The following REXO4 variants were observed in gnomAD, a reference collection of about 807,000 sequenced individuals.
REXO4 encodes REX4 homolog, 3'-5' exonuclease.
In REXO4, 29 loss-of-function variants were observed where a neutral mutation model predicts 39.9. That is an observed-to-expected ratio of 0.73 (90% CI 0.54 to 0.99). The LOEUF is 0.99. Ranked by LOEUF, REXO4 falls within the 50% of genes least tolerant of loss-of-function variation. REXO4 has a pLI of 0.00. For missense variants in REXO4, 524 were observed against 546.5 expected (o/e 0.96, Z 0.41); for synonymous variants, 184 against 206.2 (o/e 0.89, Z 0.92).
chr9:133,412,687 C>T (rs1490546976), intron 3 of REXO4, 91 bp downstream of exon 3: 20 of 1,543,262 alleles, frequency 1.3e-5, no homozygotes, highest in Non-Finnish European at 1.7e-5. Flanking sequence ...TCATTCACCT[C>T]AGGGAGAGGA....
chr9:133,407,152 C>T, intron 7 of REXO4, 80 bp from the exon 8 acceptor site: 2 of 1,591,294 alleles, frequency 1.3e-6, no homozygotes, highest in South Asian at 1.1e-5. Context: ...TGAGCCCTCC[C>T]ACTAGCCACT....
rs782214486 is a variant in REXO4, at chr9:133,407,819, C to T, written c.1137G>A (p.Ala379=). The part of the protein sequence containing the change: ...EKILGLQVQQ[A]EHCSIQDAQA... ...AGGACACACTTACTGAACAGTGCTC[C>T]GCCTGCTGGACCTGGAGCCCAAGGA... is the stretch of plus-strand genomic sequence containing the variant. Residue 379 remains alanine (A), a synonymous_variant, in exon 7 of 8, where the codon GCG becomes GCA. Coordinates refer to ENST00000371942, the MANE Select transcript of REXO4 (RefSeq NM_020385.4). The T allele has an allele frequency of 1.9e-5, 30 of 1,613,734 alleles. No homozygotes were observed. The highest frequency in any genetic ancestry group is 6.7e-5 in the African/African-American group (5 of 74,910).
intron 4 of REXO4, 74 bp downstream of exon 4, chr9:133,412,225 A>C (rs997912558): frequency 2.7e-6 from 4 of 1,478,062 alleles, no homozygotes; most frequent in Non-Finnish European, 3.7e-6. Flanking sequence ...CTCAGACAGA[A>C]AAGGGAACAA....
chr9:133,408,988 C>A, intron 5 of REXO4, 146 bp from the exon 6 acceptor site: 2 of 331,976 alleles, frequency 6.0e-6, no homozygotes, highest in Admixed American at 5.8e-5. Flanking sequence ...GTGTGTGTGA[C>A]GGAGTCTTGC....
intron 4 of REXO4, among the ~76,000 whole-genome samples, chr9:133,412,081 G>A (rs1446812805): frequency 6.6e-6 from 1 of 152,016 alleles, no homozygotes; most frequent in South Asian, 2.1e-4. Context: ...GCCTGGTCTT[G>A]AAGTCAGCGG....
intron 4 of REXO4, among the ~76,000 whole-genome samples, chr9:133,412,003 G>A (rs1554780201): frequency 6.6e-6 from 1 of 152,064 alleles, no homozygotes. Context: ...CTGGGTTCAA[G>A]CAATCCTCCC....
Position 133,414,987 on chromosome 9 carries a change from C to T in REXO4, c.250G>A (p.Ala84Thr). Residue 84 changes from alanine (A) to threonine (T), a missense_variant, in exon 2 of 8, where the codon GCC (alanine) becomes ACC (threonine). Coordinates refer to ENST00000371942, the MANE Select transcript of REXO4 (RefSeq NM_020385.4). ...GAGATGACAAGAGGCTTTTCTGGGG[C>T]CTGAGATTTTTGTTTCAGCAGCCAC... ...QEWLLKQKSQ[A>T]PEKPLVISQM... 6.3e-7 allele frequency: 1 copy of T among 1,583,266 alleles called. No homozygotes were observed. Among genetic ancestry groups the T allele is most frequent in the Non-Finnish European group, 8.5e-7 (1 of 1,170,704 alleles).
upstream of REXO4, chr9:133,418,061 G>T: frequency 1.8e-6 from 1 of 559,366 alleles, no homozygotes; most frequent in Non-Finnish European, 3.1e-6. Context: ...CTCCACAACC[G>T]GCTGGAAACC....
chr9:133,407,113 C>T (rs1554779049), intron 7 of REXO4, 41 bp from the exon 8 acceptor site: 2 of 1,608,418 alleles, frequency 1.2e-6, no homozygotes, highest in Non-Finnish European at 1.7e-6. Context: ...CGAGGCATAG[C>T]CGCAGCCCAC....
At position 133,406,679 on chromosome 9, in the gene REXO4, T is replaced by G; in HGVS notation, c.*274A>C. On this transcript the variant is annotated 3_prime_UTR_variant, in exon 8 of 8. Transcript: ENST00000371942. ...CCCCAACCTCACCTGGCCCAGGGGGTCAGCAGTCGGTAAAGCGTGGCCAGG... is the reference window on the plus strand; with the variant it reads ...CCCCAACCTCACCTGGCCCAGGGGGGCAGCAGTCGGTAAAGCGTGGCCAGG... 1.9e-5 allele frequency: 9 copies of G among 462,966 alleles called. No homozygotes were observed. Among genetic ancestry groups the G allele is most frequent in the South Asian group, 2.4e-5 (1 of 40,822 alleles). The allele number at this position is 462,966 out of a possible 1,614,324, so 28.7% of individuals were successfully genotyped here.
chr9:133,412,601 C>T (rs1222397388), intron 3 of REXO4, 109 bp from the exon 4 acceptor site: 20 of 1,428,850 alleles, frequency 1.4e-5, no homozygotes, highest in Non-Finnish European at 1.4e-5. Context: ...AAGCTCTCTG[C>T]CCCTCACTCA....
intron 7 of REXO4, 120 bp from the exon 8 acceptor site, chr9:133,407,192 A>C: frequency 6.7e-7 from 1 of 1,493,178 alleles, no homozygotes; most frequent in Admixed American, 1.8e-5. Flanking sequence ...TGAGACATGG[A>C]CCTGGCCACG....
intron 5 of REXO4, among the ~76,000 whole-genome samples, chr9:133,410,267 G>A (rs1458401550): frequency 6.6e-6 from 1 of 152,182 alleles, no homozygotes; most frequent in Non-Finnish European, 1.5e-5. Flanking sequence ...CCTCCCCGCT[G>A]TTCCCACTGT....
intron 1 of REXO4, among the ~76,000 whole-genome samples, chr9:133,416,797 C>T (rs3118664): frequency 6.6e-6 from 1 of 151,784 alleles, no homozygotes; most frequent in Non-Finnish European, 1.5e-5. Flanking sequence ...TGTACAATAG[C>T]GATGATGGAA....
intron 5 of REXO4, 92 bp from the exon 6 acceptor site, chr9:133,408,934 T>G (rs1001304283): frequency 0.14 from 45,893 of 320,834 alleles, 7,418 homozygotes; most frequent in South Asian, 0.22. Flanking sequence ...AGTAACATCT[T>G]TGTGTGTGTG....
Position 133,412,854 on chromosome 9 carries a change from T to C in REXO4, c.640A>G (p.Lys214Glu). The change falls in exon 3 of 8, where the codon AAG becomes GAG. Residue 214 changes from lysine to glutamate, a missense_variant. Lys to Glu is a moderately conservative substitution (Grantham distance 56). Transcript: ENST00000371942. ...IEAAIGPEAA[K>E]IARKQLGQSE... ...TGACCCAACTGTTTCCTCGCTATCT[T>C]GGCCGCCTCTGGACCTATGGCAGCT... is the stretch of plus-strand genomic sequence containing the variant. The C allele has an allele frequency of 1.2e-6, 2 of 1,614,134 alleles. No individual in the cohort carries two copies. The highest frequency in any genetic ancestry group is 1.7e-6 in the Non-Finnish European group (2 of 1,180,020).
At chr9:133,414,468 G>A (rs781973787) in intron 2 of REXO4, 197 bp downstream of exon 2, 12 of 704,938 alleles carry the variant, frequency 1.7e-5, no homozygotes, top group Admixed American at 1.2e-4. Context: ...TCTGCTCAAC[G>A]CTCGGAAGAA....
At chr9:133,411,109 C>T (rs1554780040) in intron 4 of REXO4, 36 bp from the exon 5 acceptor site, 1 of 1,525,090 alleles carries the variant, frequency 6.6e-7, no homozygotes, top group Non-Finnish European at 9.1e-7. Context: ...TTTTTTGCAA[C>T]ACACACATCA....
At chr9:133,409,677 C>G (rs1839109328) in intron 5 of REXO4, among the ~76,000 whole-genome samples, 1 of 152,076 alleles carries the variant, frequency 6.6e-6, no homozygotes, top group Non-Finnish European at 1.5e-5. Flanking sequence ...TCCTCCTACC[C>G]CAGTCTCCTG....
Sources: gnomAD v4.1 joint callset for allele counts (sites outside exome capture counted in the v4.1 genomes callset) on GRCh38, gnomAD v4.1.1 for gene constraint, MANE v1.5 for transcripts, NCBI Gene and HGNC (gene_info 2026-07-23, HGNC 2026-07-21) for gene names.